Variants in GALNT13 observed in about 807,000 individuals in gnomAD.
GALNT13 encodes polypeptide N-acetylgalactosaminyltransferase 13.
GALNT13 carries 28 observed loss-of-function variants against 64.2 expected under a neutral mutation model. The observed-to-expected ratio is 0.44, with a 90% CI of 0.32 to 0.60. The LOEUF is 0.60. Among genes scored for constraint, GALNT13 ranks in the 20% least tolerant of loss-of-function variants. The pLI, the probability that GALNT13 is intolerant of heterozygous loss-of-function variation, is 0.05. For missense variants in GALNT13, 577 were observed against 669.8 expected, an observed-to-expected ratio of 0.86 and a Z score of 1.53; for synonymous variants, 214 against 224.6, an observed-to-expected ratio of 0.95 and a Z score of 0.42.
the GALNT13 span, among the ~76,000 whole-genome samples, chr2:153,229,853 G>A: frequency 6.6e-6 from 1 of 152,172 alleles, no homozygotes; most frequent in Admixed American, 6.5e-5. Context: ...GATGGCAGAG[G>A]AAGGAGCCAC....
intron 3 of GALNT13, among the ~76,000 whole-genome samples, chr2:153,950,158 G>A (rs975079336): frequency 2.0e-5 from 3 of 151,768 alleles, no homozygotes; most frequent in East Asian, 1.9e-4. Context: ...GTTAAAAATC[G>A]TAGAATATAT....
At chr2:153,590,286 A>C in the GALNT13 span, among the ~76,000 whole-genome samples, 10 of 152,064 alleles carry the variant, frequency 6.6e-5, no homozygotes, top group African/African-American at 2.4e-4. Flanking sequence ...GATTGAATCA[A>C]AAGTAAATAG....
chr2:154,404,005 TATC>T (rs1269448191), intron 10 of GALNT13, among the ~76,000 whole-genome samples: 2 of 152,206 alleles, frequency 1.3e-5, no homozygotes, highest in African/African-American at 2.4e-5. Context: ...ATATTATTAT[TATC>T]ATCATATTGG....
chr2:153,222,307 T>TGGGGGGGGGGGGGGGGGGGG, the GALNT13 span, among the ~76,000 whole-genome samples: 1 of 6,324 alleles, frequency 1.6e-4, no homozygotes, highest in African/African-American at 7.1e-4. Flanking sequence ...TGAGTCTGGC[T>TGGGGGGGGGGGGGGGGGGGG]GGGGGGGGGG....
chr2:154,088,944 G>A (rs1701666001), intron 3 of GALNT13, among the ~76,000 whole-genome samples: 1 of 152,034 alleles, frequency 6.6e-6, no homozygotes, highest in Non-Finnish European at 1.5e-5. Context: ...TAGTTTTAGG[G>A]ACCAATCATC....
chr2:153,104,366 G>A, the GALNT13 span, among the ~76,000 whole-genome samples: 669 of 152,158 alleles, frequency 4.4e-3, 6 homozygotes, highest in African/African-American at 0.015. Context: ...TAAATTAGAT[G>A]CTACCACTTA....
intron 3 of GALNT13, among the ~76,000 whole-genome samples, chr2:154,120,714 A>G (rs983117): frequency 0.05 from 7,664 of 152,202 alleles, 257 homozygotes; most frequent in South Asian, 0.11. Context: ...ATCCAAGGGC[A>G]TGGACACTAG....
the GALNT13 span, among the ~76,000 whole-genome samples, chr2:153,782,995 C>T: frequency 6.6e-6 from 1 of 152,110 alleles, no homozygotes; most frequent in South Asian, 2.1e-4. Flanking sequence ...GAAATGGTTA[C>T]AGACATACCG....
the GALNT13 span, among the ~76,000 whole-genome samples, chr2:153,208,614 G>T: frequency 6.6e-6 from 1 of 152,072 alleles, no homozygotes; most frequent in Non-Finnish European, 1.5e-5. Context: ...ATAAAGATTT[G>T]AATGTGAGTC....
At chr2:153,827,275 C>T in the GALNT13 span, among the ~76,000 whole-genome samples, 10 of 152,056 alleles carry the variant, frequency 6.6e-5, no homozygotes, top group African/African-American at 2.2e-4. Flanking sequence ...CAATTACACC[C>T]CACTGGGTTC....
chr2:153,512,497 C>T, the GALNT13 span, among the ~76,000 whole-genome samples: 1 of 152,238 alleles, frequency 6.6e-6, no homozygotes, highest in Middle Eastern at 3.4e-3. Flanking sequence ...AGAGTGTGAG[C>T]TCTGGAGCCT....
chr2:153,640,237 T>C, the GALNT13 span, among the ~76,000 whole-genome samples: 1 of 152,136 alleles, frequency 6.6e-6, no homozygotes, highest in South Asian at 2.1e-4. Flanking sequence ...TATTCCCTCC[T>C]GGCTCCTTCC....
the GALNT13 span, among the ~76,000 whole-genome samples, chr2:153,372,321 TC>T: frequency 6.6e-6 from 1 of 151,866 alleles, no homozygotes; most frequent in Non-Finnish European, 1.5e-5. Context: ...CTTCTAGTCT[TC>T]CCACAGAAAG....
At chr2:153,420,103 G>A in the GALNT13 span, among the ~76,000 whole-genome samples, 1 of 151,954 alleles carries the variant, frequency 6.6e-6, no homozygotes, top group Non-Finnish European at 1.5e-5. Context: ...TGGGAAAAAA[G>A]GTTACAGAAA....
chr2:153,443,227 A>T, the GALNT13 span, among the ~76,000 whole-genome samples: 1 of 152,206 alleles, frequency 6.6e-6, no homozygotes, highest in Non-Finnish European at 1.5e-5. Context: ...CACTGTGGGA[A>T]AAGTGGAGTA....
chr2:154,381,772 A>C (rs544060102), intron 9 of GALNT13, among the ~76,000 whole-genome samples: 4 of 152,076 alleles, frequency 2.6e-5, no homozygotes, highest in Non-Finnish European at 5.9e-5. Flanking sequence ...TGGAACTTTG[A>C]TGCAATTTTT....
the GALNT13 span, among the ~76,000 whole-genome samples, chr2:153,662,933 A>G: frequency 6.6e-6 from 1 of 152,180 alleles, no homozygotes; most frequent in African/African-American, 2.4e-5. Flanking sequence ...TTAGACAATT[A>G]CGTAGGAACT....
At chr2:153,779,365 T>C in the GALNT13 span, among the ~76,000 whole-genome samples, 1 of 152,206 alleles carries the variant, frequency 6.6e-6, no homozygotes, top group Non-Finnish European at 1.5e-5. Context: ...TTTCAAGTTA[T>C]AGACTTGACA....
the GALNT13 span, among the ~76,000 whole-genome samples, chr2:153,509,946 A>G: frequency 2.0e-5 from 3 of 152,160 alleles, no homozygotes; most frequent in African/African-American, 7.2e-5. Flanking sequence ...TTTTACTACT[A>G]AGTATATTTT....
Sources: allele counts gnomAD v4.1 joint callset (sites outside exome capture counted in the v4.1 genomes callset), GRCh38; gene constraint gnomAD v4.1.1; transcripts MANE v1.5; gene names NCBI Gene and HGNC (gene_info 2026-07-23, HGNC 2026-07-21).